The following KRT8 variants were observed in gnomAD, a reference collection of about 807,000 sequenced individuals.
KRT8 encodes keratin 8.
In KRT8, 24 loss-of-function variants were observed where a neutral mutation model predicts 43.0. The observed-to-expected ratio is 0.56, with a 90% CI of 0.40 to 0.78. The LOEUF (loss-of-function observed/expected upper bound fraction) is 0.78, where lower values mean the gene tolerates loss of function less well. Among genes scored for constraint, KRT8 ranks in the 30% least tolerant of loss-of-function variants. The probability of loss-of-function intolerance (pLI) is 0.00; values close to 1 mark genes in which losing one functional copy is unlikely to be tolerated. For synonymous variants in KRT8, 214 were observed against 261.2 expected (o/e 0.82, Z 1.74); for missense variants, 492 against 638.4 (o/e 0.77, Z 2.47).
intron 2 of KRT8, among the ~76,000 whole-genome samples, chr12:52,945,523 C>CAATCCTCCCT (rs1303919399): frequency 1.3e-5 from 2 of 152,204 alleles, no homozygotes; most frequent in Non-Finnish European, 2.9e-5. Flanking sequence ...GCAGGCCTTC[C>CAATCCTCCCT]AATCCTCCCT....
intron 2 of KRT8, among the ~76,000 whole-genome samples, chr12:52,933,520 A>G (rs984504566): frequency 6.6e-6 from 1 of 152,240 alleles, no homozygotes; most frequent in Non-Finnish European, 1.5e-5. Context: ...ATGCCATCCC[A>G]ATAAAAATCT....
intron 7 of KRT8, among the ~76,000 whole-genome samples, 190 bp from the exon 8 acceptor site, chr12:52,897,808 C>T (rs1259946820): frequency 6.6e-6 from 1 of 152,232 alleles, no homozygotes; most frequent in African/African-American, 2.4e-5. Flanking sequence ...TGGAAAACAG[C>T]TGCCATATAT....
chr12:52,938,170 A>ATATATATATATATATATATAT (rs1555189967), intron 2 of KRT8, among the ~76,000 whole-genome samples: 3 of 30,304 alleles, frequency 9.9e-5, no homozygotes, highest in Non-Finnish European at 1.8e-4. Flanking sequence ...ATATATATAT[A>ATATATATATATATATATATAT]TTTTTTTTTT....
intron 2 of KRT8, among the ~76,000 whole-genome samples, chr12:52,946,380 G>A (rs140450785): frequency 1.9e-4 from 29 of 152,280 alleles, no homozygotes; most frequent in African/African-American, 7.0e-4. Flanking sequence ...TTACTTTGAA[G>A]GAAGGCTCCA....
chr12:52,910,002 A>T (rs1435282609), upstream of KRT8, among the ~76,000 whole-genome samples: 2 of 151,872 alleles, frequency 1.3e-5, no homozygotes, highest in Non-Finnish European at 2.9e-5. Context: ...GAACTCCTGG[A>T]TGCAAGCAAT....
chr12:52,900,459 G>A, intron 4 of KRT8, 129 bp downstream of exon 4: 1 of 727,202 alleles, frequency 1.4e-6, no homozygotes, highest in Non-Finnish European at 2.5e-6. Flanking sequence ...ATTGGTGGCT[G>A]TAATTAGTCA....
chr12:52,910,549 G>A (rs924763325), upstream of KRT8, among the ~76,000 whole-genome samples: 4 of 152,244 alleles, frequency 2.6e-5, no homozygotes, highest in African/African-American at 9.6e-5. Flanking sequence ...CGAGAGGACA[G>A]ACACAAATGG....
At chr12:52,929,701 G>C (rs974239849) in intron 2 of KRT8, among the ~76,000 whole-genome samples, 2 of 152,052 alleles carry the variant, frequency 1.3e-5, no homozygotes, top group African/African-American at 4.8e-5. Flanking sequence ...CTCCCATGCA[G>C]CTGAAGGGGC....
rs960543183 is a variant in KRT8 at position 52,902,085 on chromosome 12, G to A, written c.325-13C>T. 6.3e-7 allele frequency: 1 copy of A among 1,575,898 alleles called. No individual in the cohort carries two copies. Among genetic ancestry groups the A allele is most frequent in the Non-Finnish European group, 8.6e-7 (1 of 1,157,310 alleles). ...CCAGGAACCGTACCTATACGAAGGA[G>A]GAGAGAGCAAAAAGGTCTACATCAG... On this transcript the variant is annotated splice_polypyrimidine_tract_variant and intron_variant, in intron 1 of 7. Coordinates refer to ENST00000692008, the Ensembl canonical transcript of KRT8.
chr12:52,927,720 C>A (rs1225707391), intron 2 of KRT8, among the ~76,000 whole-genome samples: 8 of 152,202 alleles, frequency 5.3e-5, no homozygotes, highest in South Asian at 4.1e-4. Flanking sequence ...CACACATGTT[C>A]TTGTCCTCTC....
chr12:52,940,421 A>AG (rs1283844506), intron 2 of KRT8, among the ~76,000 whole-genome samples: 3 of 148,028 alleles, frequency 2.0e-5, no homozygotes, highest in Non-Finnish European at 4.5e-5. Flanking sequence ...CGACAGAGCA[A>AG]GACTCAGTCT....
chr12:52,943,437 T>A (rs531583280), intron 2 of KRT8, among the ~76,000 whole-genome samples: 1 of 152,200 alleles, frequency 6.6e-6, no homozygotes, highest in Non-Finnish European at 1.5e-5. Flanking sequence ...CCTGGGAACT[T>A]AGAGATCTAG....
In KRT8 at chr12:52,923,797, T is replaced by C. The variant is rs1032138754; in HGVS notation, c.-46-18770A>G. On this transcript the variant is annotated intron_variant, in intron 2 of 6. Transcript: ENST00000546826. ...ATTATTACATTTAAATTAATATGGA[T>C]TTTAGAGCTTTGAATTGCCTAAAGT... is the stretch of plus-strand genomic sequence containing the variant. 4.6e-5 allele frequency among the ~76,000 whole-genome samples: 7 copies of C among 152,242 alleles called. No homozygotes were observed. In the South Asian group the frequency reaches 1.5e-3, roughly 32 times the overall value.
rs1387119496 is a variant in KRT8 at position 52,940,825 on chromosome 12, AC to A, written c.-47+8630del. On this transcript the variant is annotated intron_variant, in intron 2 of 6. Coordinates refer to the KRT8 transcript ENST00000546826. ...GTATTTTTAGTAGAGATGGGGTTTCACCATCTTGGCCAGGTTGGTCTTGAAC... is the reference window on the plus strand; with the variant it reads ...GTATTTTTAGTAGAGATGGGGTTTCACATCTTGGCCAGGTTGGTCTTGAAC... Among the ~76,000 whole-genome samples the A allele has an allele frequency of 1.1e-4, 17 of 151,642 alleles. No homozygotes were observed. In the East Asian group the frequency reaches 3.1e-3, roughly 28 times the overall value.
At chr12:52,905,539 C>T (rs1173854141), upstream of KRT8, among the ~76,000 whole-genome samples, 1 of 152,156 alleles carries the variant, frequency 6.6e-6, no homozygotes, top group Non-Finnish European at 1.5e-5. Context: ...TTATGAGGGC[C>T]TGCCTGAGCT....
At chr12:52,943,209 G>A (rs149490578) in intron 2 of KRT8, among the ~76,000 whole-genome samples, 17 of 152,260 alleles carry the variant, frequency 1.1e-4, no homozygotes, top group African/African-American at 3.9e-4. Context: ...GTCCGTCGCT[G>A]ATAAACTGCT....
At chr12:52,938,018 T>G (rs1425428847) in intron 2 of KRT8, among the ~76,000 whole-genome samples, 2 of 145,770 alleles carry the variant, frequency 1.4e-5, no homozygotes, top group Admixed American at 6.9e-5. Context: ...AAAAAAAAGT[T>G]GCCAAAAATA....
At chr12:52,935,272 A>G (rs1349683589) in intron 2 of KRT8, among the ~76,000 whole-genome samples, 1 of 142,820 alleles carries the variant, frequency 7.0e-6, no homozygotes, top group Admixed American at 7.1e-5. Context: ...CCAGCTACTC[A>G]GGTGACTGAG....
At chr12:52,927,652 G>A (rs2638521) in intron 2 of KRT8, among the ~76,000 whole-genome samples, 12,541 of 152,250 alleles carry the variant, frequency 0.082, 650 homozygotes, top group East Asian at 0.24. Flanking sequence ...TGTGGGCAGA[G>A]CCGAGCCTGA....
Sources: gnomAD v4.1 joint callset for allele counts (sites outside exome capture counted in the v4.1 genomes callset) on GRCh38, gnomAD v4.1.1 for gene constraint, MANE v1.5 for transcripts, NCBI Gene and HGNC (gene_info 2026-07-23, HGNC 2026-07-21) for gene names.